Variants in C8orf34 observed in about 807,000 individuals in gnomAD.
C8orf34 encodes the protein uncharacterized protein C8orf34.
Under a neutral mutation model 68.3 loss-of-function variants are expected in C8orf34, and 65 were observed. That is an observed-to-expected ratio of 0.95 (90% CI 0.78 to 1.17). The LOEUF (loss-of-function observed/expected upper bound fraction) is 1.17, where lower values mean the gene tolerates loss of function less well. C8orf34 is among the 50% of genes most tolerant of loss of function. The pLI is 0.00. For synonymous variants in C8orf34, 244 were observed against 241.2 expected (o/e 1.01, Z -0.11); for missense variants, 664 against 655.4 (o/e 1.01, Z -0.14).
intron 7 of C8orf34, among the ~76,000 whole-genome samples, chr8:68,617,699 T>C (rs1340711743): frequency 6.6e-6 from 1 of 152,216 alleles, no homozygotes; most frequent in Non-Finnish European, 1.5e-5. Flanking sequence ...CCGACCTTTC[T>C]CTCTGGCTGC....
intron 10 of C8orf34, among the ~76,000 whole-genome samples, chr8:68,740,808 A>G (rs1479834000): frequency 6.6e-6 from 1 of 152,206 alleles, no homozygotes; most frequent in Non-Finnish European, 1.5e-5. Flanking sequence ...TATTTACAAT[A>G]GCAAAGACAT....
At chr8:68,684,728 T>C (rs1820461848) in intron 8 of C8orf34, among the ~76,000 whole-genome samples, 1 of 152,030 alleles carries the variant, frequency 6.6e-6, no homozygotes, top group African/African-American at 2.4e-5. Flanking sequence ...AAGACACTCA[T>C]CTAATTTCAC....
chr8:68,689,519 T>C (rs1166951593), intron 8 of C8orf34, among the ~76,000 whole-genome samples: 1 of 152,108 alleles, frequency 6.6e-6, no homozygotes, highest in Non-Finnish European at 1.5e-5. Flanking sequence ...ATATCGCCTT[T>C]CTGCAAGAAG....
chr8:68,510,959 C>T (rs767404169), intron 5 of C8orf34, among the ~76,000 whole-genome samples: 9 of 152,146 alleles, frequency 5.9e-5, no homozygotes, highest in Admixed American at 2.0e-4. Context: ...ACAGGGACTG[C>T]ATAGATGAGG....
intron 7 of C8orf34, among the ~76,000 whole-genome samples, chr8:68,611,716 T>C (rs562791579): frequency 6.6e-5 from 10 of 152,290 alleles, no homozygotes; most frequent in Admixed American, 4.6e-4. Context: ...TGAGATAGAT[T>C]GTCATATGGT....
At chr8:68,808,846 T>G (rs1348887689) in intron 12 of C8orf34, among the ~76,000 whole-genome samples, 1 of 152,196 alleles carries the variant, frequency 6.6e-6, no homozygotes, top group East Asian at 1.9e-4. Context: ...TGCTTATTAT[T>G]AGGTTTCTAT....
chr8:68,602,166 G>A (rs1164552266), intron 7 of C8orf34, among the ~76,000 whole-genome samples: 1 of 152,140 alleles, frequency 6.6e-6, no homozygotes, highest in Non-Finnish European at 1.5e-5. Flanking sequence ...CTAACACCGG[G>A]AGAGGGAAGG....
rs74405609 is a variant in C8orf34 at position 68,508,655 on chromosome 8, T to C, written c.766-13144T>C. ...TGGCTGGCTGTCAGTTGATATAACC[T>C]GGGCTTGTCCAGAGTGACTTCAGTC... On this transcript the variant is annotated intron_variant, in intron 5 of 13. Coordinates refer to ENST00000518698, the MANE Select transcript of C8orf34 (RefSeq NM_052958.4). Among the ~76,000 whole-genome samples the C allele has an allele frequency of 1.7e-3, 256 of 152,288 alleles. 6 individuals carry two copies. In the East Asian group the frequency reaches 0.047, roughly 28 times the overall value.
At chr8:68,388,079 T>G (rs1380843987) in intron 1 of C8orf34, among the ~76,000 whole-genome samples, 1 of 152,156 alleles carries the variant, frequency 6.6e-6, no homozygotes, top group African/African-American at 2.4e-5. Context: ...TCTTTTCCAA[T>G]TATGAATTCC....
At position 68,331,213 on chromosome 8, in the gene C8orf34, C is replaced by A. The variant is rs775534334; in HGVS notation, c.201C>A (p.Ser67Arg). The A allele has an allele frequency of 8.5e-5, 131 of 1,535,532 alleles. No individual in the cohort carries two copies. The highest frequency in any genetic ancestry group is 1.1e-4 in the Non-Finnish European group (125 of 1,146,718). ...PSPGKRRVVP[S>R]GGAQPRVLPA... ...CGGGTAAAAGGAGGGTTGTCCCCAG[C>A]GGAGGCGCACAGCCGCGCGTTCTCC... is the stretch of plus-strand genomic sequence containing the variant. Residue 67 changes from serine (S) to arginine (R), a missense_variant, in exon 1 of 14, where the codon AGC becomes AGA. Coordinates refer to ENST00000518698, the MANE Select transcript of C8orf34 (RefSeq NM_052958.4).
At chr8:68,383,917 T>C (rs1808148689) in intron 1 of C8orf34, among the ~76,000 whole-genome samples, 1 of 152,096 alleles carries the variant, frequency 6.6e-6, no homozygotes, top group African/African-American at 2.4e-5. Context: ...ATCTCCCTAA[T>C]AGGGTGGGAG....
chr8:68,338,903 G>A (rs2176368), intron 1 of C8orf34, among the ~76,000 whole-genome samples: 53,623 of 151,860 alleles, frequency 0.35, 10,615 homozygotes, highest in Non-Finnish European at 0.44. Flanking sequence ...AAACCCATTA[G>A]CCATTCTAAT....
chr8:68,463,211 G>A (rs574378476), intron 3 of C8orf34, among the ~76,000 whole-genome samples: 3 of 152,130 alleles, frequency 2.0e-5, no homozygotes, highest in East Asian at 1.9e-4. Flanking sequence ...TAAATTCCTT[G>A]ACACATACAC....
At chr8:68,505,278 GA>G (rs1197521971) in intron 5 of C8orf34, among the ~76,000 whole-genome samples, 2 of 152,152 alleles carry the variant, frequency 1.3e-5, no homozygotes, top group Admixed American at 1.3e-4. Flanking sequence ...ATTTTTAAAT[GA>G]CTAATTATGT....
intron 5 of C8orf34, among the ~76,000 whole-genome samples, chr8:68,497,617 T>C (rs774789825): frequency 2.0e-5 from 3 of 152,044 alleles, no homozygotes; most frequent in Non-Finnish European, 4.4e-5. Flanking sequence ...AAAATGTCCA[T>C]TAAAATAAAA....
intron 5 of C8orf34, among the ~76,000 whole-genome samples, chr8:68,513,638 G>T (rs1278124501): frequency 2.0e-5 from 3 of 152,244 alleles, no homozygotes; most frequent in Non-Finnish European, 2.9e-5. Flanking sequence ...AATATGCCTG[G>T]TGAAGAACCT....
intron 5 of C8orf34, among the ~76,000 whole-genome samples, chr8:68,504,915 G>T (rs926571110): frequency 6.6e-6 from 1 of 152,114 alleles, no homozygotes; most frequent in Non-Finnish European, 1.5e-5. Context: ...CTGACCTCAG[G>T]TGATCCACCT....
intron 2 of C8orf34, among the ~76,000 whole-genome samples, chr8:68,440,713 G>A (rs767093574): frequency 4.6e-5 from 7 of 152,192 alleles, no homozygotes; most frequent in African/African-American, 7.2e-5. Context: ...CCACATAAAC[G>A]CAGATCAGTT....
intron 4 of C8orf34, among the ~76,000 whole-genome samples, chr8:68,474,384 C>A (rs1812511823): frequency 6.6e-6 from 1 of 152,160 alleles, no homozygotes; most frequent in Admixed American, 6.6e-5. Flanking sequence ...GTTATCAAAT[C>A]TTGCTAATTT....
Sources: allele counts gnomAD v4.1 joint callset (sites outside exome capture counted in the v4.1 genomes callset), GRCh38; gene constraint gnomAD v4.1.1; transcripts MANE v1.5; gene names NCBI Gene and HGNC (gene_info 2026-07-23, HGNC 2026-07-21).